FILIP1L: variants seen among roughly 807,000 people sequenced by gnomAD.
The protein encoded by FILIP1L is filamin A-interacting protein 1-like.
In FILIP1L, 55 loss-of-function variants were observed where a neutral mutation model predicts 96.6. That is an observed-to-expected ratio of 0.57 (90% confidence interval 0.46 to 0.71). The LOEUF (loss-of-function observed/expected upper bound fraction) is 0.71. Ranked by LOEUF, FILIP1L falls within the 30% of genes least tolerant of loss-of-function variation. The probability of loss-of-function intolerance (pLI) is 0.00; values close to 1 mark genes in which losing one functional copy is unlikely to be tolerated. For synonymous variants in FILIP1L, 467 were observed against 473.9 expected, an observed-to-expected ratio of 0.99 and a Z score of 0.19; for missense variants, 1,304 against 1,321.2, an observed-to-expected ratio of 0.99 and a Z score of 0.20.
chr3:99,966,602 A>G (rs1708659654), intron 1 of FILIP1L, among the ~76,000 whole-genome samples: 1 of 152,276 alleles, frequency 6.6e-6, no homozygotes, highest in Admixed American at 6.5e-5. Flanking sequence ...GTTACTCAGA[A>G]CCCTTCGCTC....
At chr3:100,052,433 T>G (rs2065390506) in intron 1 of FILIP1L, among the ~76,000 whole-genome samples, 1 of 152,208 alleles carries the variant, frequency 6.6e-6, no homozygotes, top group Non-Finnish European at 1.5e-5. Context: ...TGTATCCGTG[T>G]GCATGTCCTA....
chr3:99,994,723 G>A (rs957689375), intron 1 of FILIP1L, among the ~76,000 whole-genome samples: 3 of 152,146 alleles, frequency 2.0e-5, no homozygotes, highest in Non-Finnish European at 4.4e-5. Context: ...GGCTGGGGAG[G>A]CCTCAGAATC....
chr3:99,984,059 T>TGTGTGTGTGTGTGTGTGTGTG (rs1491534471), intron 1 of FILIP1L, among the ~76,000 whole-genome samples: 1 of 151,618 alleles, frequency 6.6e-6, no homozygotes, highest in African/African-American at 2.4e-5. Context: ...TGTATGTGTG[T>TGTGTGTGTGTGTGTGTGTGTG]TTGTGTGTGT....
At chr3:100,006,294 T>C (rs1445333303) in intron 1 of FILIP1L, among the ~76,000 whole-genome samples, 1 of 152,176 alleles carries the variant, frequency 6.6e-6, no homozygotes, top group African/African-American at 2.4e-5. Flanking sequence ...GTCTTTGAAT[T>C]GTTTCCTTTG....
chr3:100,083,289 C>T (rs1426219006), intron 1 of FILIP1L, among the ~76,000 whole-genome samples: 1 of 152,094 alleles, frequency 6.6e-6, no homozygotes, highest in African/African-American at 2.4e-5. Context: ...TTATCTTGAC[C>T]GACTAGTTAA....
At chr3:100,038,570 T>C (rs1347374675) in intron 1 of FILIP1L, among the ~76,000 whole-genome samples, 1 of 152,212 alleles carries the variant, frequency 6.6e-6, no homozygotes, top group Non-Finnish European at 1.5e-5. Flanking sequence ...ATAACCTAAA[T>C]GTACTTTTGT....
chr3:99,971,513 G>A (rs1443467619), intron 1 of FILIP1L, among the ~76,000 whole-genome samples: 1 of 152,198 alleles, frequency 6.6e-6, no homozygotes, highest in Admixed American at 6.5e-5. Flanking sequence ...GGTCTCACAG[G>A]AGATGCAGAT....
chr3:100,041,989 G>A (rs1022813289), intron 1 of FILIP1L, among the ~76,000 whole-genome samples: 7 of 152,156 alleles, frequency 4.6e-5, no homozygotes, highest in Non-Finnish European at 7.4e-5. Context: ...TCTTTCTTCA[G>A]CTATATGATC....
At chr3:100,030,714 A>G (rs952376332) in intron 1 of FILIP1L, among the ~76,000 whole-genome samples, 2 of 152,174 alleles carry the variant, frequency 1.3e-5, no homozygotes, top group East Asian at 1.9e-4. Context: ...TTCCTCTACC[A>G]TATAAACACA....
chr3:100,104,625 G>A (rs1014060928), intron 1 of FILIP1L, among the ~76,000 whole-genome samples: 1 of 152,172 alleles, frequency 6.6e-6, no homozygotes, highest in African/African-American at 2.4e-5. Context: ...TGCATGCCCA[G>A]GAATCTAAAA....
chr3:99,834,754 G>A lies in FILIP1L; in HGVS notation c.3382-4149C>T, dbSNP rs1196280665. On this transcript the variant is annotated intron_variant, in intron 5 of 5. Coordinates refer to ENST00000477258, the MANE Select transcript of FILIP1L (RefSeq NM_001387850.1). ...ATTCTCAGGCTTACATCTTATAACA[G>A]CCTTTGGGTAGTATCTAGAGCACAA... Among the ~76,000 whole-genome samples, 5 of 152,032 alleles carry A rather than the reference G, an allele frequency of 3.3e-5. No individual in the cohort carries two copies. In the East Asian group the frequency reaches 7.7e-4, roughly 23 times the overall value.
chr3:99,888,206 A>G (rs912767197), intron 4 of FILIP1L, among the ~76,000 whole-genome samples: 4 of 152,170 alleles, frequency 2.6e-5, no homozygotes, highest in African/African-American at 2.4e-5. Context: ...CTTATTAAAT[A>G]TTAGAATAGC....
Position 100,034,047 on chromosome 3 carries a change from C to T in FILIP1L, c.-11+80006G>A, listed in dbSNP as rs1008305220. On this transcript the variant is annotated intron_variant, in intron 1 of 5. Coordinates refer to ENST00000477258, the MANE Select transcript of FILIP1L (RefSeq NM_001387850.1). ...TGGTGCTATTATTCAACCCGCCATG[C>T]GTTATTTTGCTTACATTAGTGACCC... 5.9e-5 allele frequency among the ~76,000 whole-genome samples: 9 copies of T among 152,216 alleles called. 1 individual carries two copies. The highest frequency in any genetic ancestry group is 2.1e-4 in the South Asian group (1 of 4,820).
chr3:99,925,811 G>A (rs1213263016), intron 3 of FILIP1L: 22 of 982,762 alleles, frequency 2.2e-5, no homozygotes, highest in East Asian at 1.1e-4. Flanking sequence ...CATGCCAGTG[G>A]CCAAAAGCAT....
At chr3:100,008,702 T>C (rs1710058610) in intron 1 of FILIP1L, among the ~76,000 whole-genome samples, 1 of 152,258 alleles carries the variant, frequency 6.6e-6, no homozygotes, top group South Asian at 2.1e-4. Flanking sequence ...GTACCATTAA[T>C]GTTTGCATAT....
intron 4 of FILIP1L, among the ~76,000 whole-genome samples, chr3:99,874,743 A>C (rs1455839502): frequency 6.6e-6 from 1 of 152,242 alleles, no homozygotes; most frequent in African/African-American, 2.4e-5. Flanking sequence ...CCACATTTTG[A>C]GTATTTTTTA....
chr3:100,062,339 C>T (rs2065587124), intron 1 of FILIP1L, among the ~76,000 whole-genome samples: 1 of 151,932 alleles, frequency 6.6e-6, no homozygotes, highest in African/African-American at 2.4e-5. Context: ...TCTCGATCTC[C>T]TGACCTCGCG....
intron 1 of FILIP1L, among the ~76,000 whole-genome samples, chr3:100,027,593 T>G (rs1410041462): frequency 6.6e-6 from 1 of 152,170 alleles, no homozygotes; most frequent in Non-Finnish European, 1.5e-5. Flanking sequence ...TCCACCCTGC[T>G]CAACTTCGAT....
intron 1 of FILIP1L, among the ~76,000 whole-genome samples, chr3:99,957,709 T>TTTTTTTTTTTTTTTTTTTTTTTTTG (rs1708370271): frequency 7.7e-6 from 1 of 129,162 alleles, no homozygotes; most frequent in Non-Finnish European, 1.6e-5. Flanking sequence ...TTTTTTTTTT[T>TTTTTTTTTTTTTTTTTTTTTTTTTG]TTTTTTTTTT....
Sources: allele counts gnomAD v4.1 joint callset (sites outside exome capture counted in the v4.1 genomes callset), GRCh38; gene constraint gnomAD v4.1.1; transcripts MANE v1.5; gene names NCBI Gene and HGNC (gene_info 2026-07-23, HGNC 2026-07-21).